The following NPHP1 variants were observed in gnomAD, a reference collection of about 807,000 sequenced individuals.
The protein encoded by NPHP1 is nephrocystin-1.
In NPHP1, 70 loss-of-function variants were observed where a neutral mutation model predicts 90.4. The observed-to-expected ratio is 0.77, with a 90% CI of 0.64 to 0.95. NPHP1 has a LOEUF of 0.95. Among genes scored for constraint, NPHP1 ranks in the 40% least tolerant of loss-of-function variants. NPHP1 has a pLI of 0.00. For missense variants in NPHP1, 764 were observed against 795.9 expected (o/e 0.96, Z 0.48); for synonymous variants, 256 against 271.7 (o/e 0.94, Z 0.57).
intron 11 of NPHP1, among the ~76,000 whole-genome samples, chr2:110,153,260 A>AT (rs1229640421): frequency 1.3e-5 from 2 of 152,170 alleles, no homozygotes; most frequent in Non-Finnish European, 2.9e-5. Flanking sequence ...AATCTCAGAT[A>AT]AAGTCTAAAA....
At chr2:110,164,436 G>A in intron 8 of NPHP1, 1 of 759,050 alleles carries the variant, frequency 1.3e-6, no homozygotes, top group Non-Finnish European at 2.3e-6. Flanking sequence ...GGATCAATGA[G>A]AATGTTTCCA....
At chr2:110,125,770 G>T in intron 18 of NPHP1, 89 bp from the exon 19 acceptor site, 1 of 1,072,694 alleles carries the variant, frequency 9.3e-7, no homozygotes, top group Non-Finnish European at 1.4e-6. Flanking sequence ...ATAAACTTAT[G>T]GACAGGGTTA....
At chr2:110,189,265 T>C (rs1029999453) in intron 2 of NPHP1, among the ~76,000 whole-genome samples, 15 of 151,842 alleles carry the variant, frequency 9.9e-5, no homozygotes, top group African/African-American at 3.6e-4. Flanking sequence ...TCGCAGTGAG[T>C]GTTATAGTTC....
intron 16 of NPHP1, among the ~76,000 whole-genome samples, chr2:110,135,393 C>T (rs1444756980): frequency 1.4e-5 from 2 of 141,188 alleles, no homozygotes; most frequent in South Asian, 2.3e-4. Context: ...AGGAGAATGG[C>T]GTGAACCCGG....
At chr2:110,163,502 T>G (rs1260190094) in intron 8 of NPHP1, 10 of 294,476 alleles carry the variant, frequency 3.4e-5, no homozygotes, top group Middle Eastern at 1.1e-3. Flanking sequence ...GGATTTTTTT[T>G]GTATACACAT....
rs1292417989 is a variant in NPHP1, at chr2:110,123,683, A to C, written c.*108T>G. Reference sequence around the variant, plus strand: ...ATGGTCTGTAGAAAGAAAAGAGTAAAACCTAAGTTGTAAAGTGACAGTGAT... The same window carrying C: ...ATGGTCTGTAGAAAGAAAAGAGTAACACCTAAGTTGTAAAGTGACAGTGAT... On this transcript the variant is annotated 3_prime_UTR_variant, in exon 20 of 20. Coordinates refer to ENST00000445609, the MANE Select transcript of NPHP1 (RefSeq NM_001128178.3). 9.0e-7 allele frequency: 1 copy of C among 1,105,350 alleles called. No homozygotes were observed. Among genetic ancestry groups the C allele is most frequent in the Non-Finnish European group, 1.4e-6 (1 of 733,642 alleles). 68.5% of individuals were successfully genotyped at this position (1,105,350 alleles called of 1,614,324 possible). A position where few individuals can be genotyped will look rare whatever the true frequency, so the allele number is the denominator to read the frequency against.
chr2:110,128,828 AG>A (rs1348274981), intron 18 of NPHP1: 1 of 296,964 alleles, frequency 3.4e-6, no homozygotes, highest in Non-Finnish European at 6.4e-6. Flanking sequence ...ATGGAATTAA[AG>A]ATGATGTGCA....
intron 5 of NPHP1, among the ~76,000 whole-genome samples, chr2:110,169,557 A>G (rs1682962662): frequency 6.6e-6 from 1 of 152,160 alleles, no homozygotes; most frequent in African/African-American, 2.4e-5. Context: ...ATAACAAATT[A>G]TAAAATTTTA....
intron 16 of NPHP1, among the ~76,000 whole-genome samples, chr2:110,140,540 G>C (rs949060481): frequency 3.3e-5 from 5 of 152,066 alleles, no homozygotes; most frequent in Admixed American, 6.6e-5. Flanking sequence ...CTGAAAACCA[G>C]TATTTGGGGG....
At chr2:110,124,167 C>T in intron 19 of NPHP1, 104 bp from the exon 20 acceptor site, 3 of 1,320,684 alleles carry the variant, frequency 2.3e-6, no homozygotes, top group Non-Finnish European at 3.2e-6. Context: ...TGGAGGGTGC[C>T]ATTAGTGCCT....
chr2:110,160,859 C>G (rs1682260435), intron 10 of NPHP1, among the ~76,000 whole-genome samples: 1 of 152,086 alleles, frequency 6.6e-6, no homozygotes, highest in South Asian at 2.1e-4. Context: ...CGGTCATAAG[C>G]CTTTTCATTT....
intron 16 of NPHP1, among the ~76,000 whole-genome samples, chr2:110,139,407 G>A (rs751138426): frequency 5.3e-5 from 8 of 152,112 alleles, no homozygotes; most frequent in Non-Finnish European, 1.2e-4. Flanking sequence ...TGGTGAAACT[G>A]AAGCATCTAT....
At chr2:110,198,907 A>G (rs1411566753) in intron 2 of NPHP1, among the ~76,000 whole-genome samples, 7 of 152,124 alleles carry the variant, frequency 4.6e-5, no homozygotes. Context: ...GAAAACCGGC[A>G]ACGTGAAGAT....
intron 2 of NPHP1, among the ~76,000 whole-genome samples, chr2:110,198,915 G>C (rs1458339825): frequency 6.6e-6 from 1 of 151,650 alleles, no homozygotes; most frequent in African/African-American, 2.4e-5. Context: ...GCAACGTGAA[G>C]ATAAAATTTA....
chr2:110,186,176 GCCTCTTTCTC>G (rs1478995648), intron 2 of NPHP1, among the ~76,000 whole-genome samples: 1 of 152,162 alleles, frequency 6.6e-6, no homozygotes, highest in East Asian at 1.9e-4. Flanking sequence ...ACTCCCACCA[GCCTCTTTCTC>G]CCTCTTTCTC....
chr2:110,143,251 A>G (rs1680779403), intron 16 of NPHP1, among the ~76,000 whole-genome samples: 1 of 152,180 alleles, frequency 6.6e-6, no homozygotes, highest in Non-Finnish European at 1.5e-5. Context: ...GACATTTAAA[A>G]AAGTTCCCTG....
chr2:110,144,521 A>C lies in NPHP1; in HGVS notation c.1401T>G (p.Ile467Met), dbSNP rs1680875936. ...TTCTGGATATTGAAGGGTCCACTTC[A>C]ATACCTTTTTCATAAGGAGTACCAC... ...LNGGTPYEKG[I>M]EVDPSISRRA... is the part of the protein sequence containing the mutation. The change falls in exon 15 of 20, where the codon ATT becomes ATG. Residue 467 changes from isoleucine to methionine, a missense_variant. Transcript: ENST00000445609. The C allele has an allele frequency of 1.9e-6, 3 of 1,607,474 alleles. No homozygotes were observed. In the South Asian group the frequency reaches 3.3e-5, roughly 18 times the overall value.
intron 6 of NPHP1, among the ~76,000 whole-genome samples, chr2:110,166,603 G>C (rs1422622013): frequency 6.6e-6 from 1 of 152,126 alleles, no homozygotes; most frequent in African/African-American, 2.4e-5. Context: ...TCTAGGCAGA[G>C]CAGCCTCACA....
In NPHP1 at chr2:110,203,244, G is replaced by C. The variant is rs1032756583; in HGVS notation, c.69+1656C>G. 3.2e-4 allele frequency among the ~76,000 whole-genome samples: 46 copies of C among 142,780 alleles called. 1 individual carries two copies. Among genetic ancestry groups the C allele is most frequent in the African/African-American group, 1.4e-3 (45 of 32,968 alleles). 93.7% of individuals were successfully genotyped at this position (142,780 alleles called of 152,430 possible). ...ATAAAGATGGGAGCAATGGACACTG[G>C]TGACTGCTGGAGTGGGGTGGGGGAG... On this transcript the variant is annotated intron_variant, in intron 1 of 19. Transcript: ENST00000445609.
Sources: gnomAD v4.1 joint callset for allele counts (sites outside exome capture counted in the v4.1 genomes callset) on GRCh38, gnomAD v4.1.1 for gene constraint, MANE v1.5 for transcripts, NCBI Gene and HGNC (gene_info 2026-07-23, HGNC 2026-07-21) for gene names.